Variants in SFSWAP observed in about 807,000 individuals in gnomAD.
SFSWAP encodes splicing factor SWAP.
SFSWAP carries 17 observed loss-of-function variants against 100.7 expected under a neutral mutation model. The observed-to-expected ratio is 0.17, with a 90% CI of 0.12 to 0.25. SFSWAP has a LOEUF of 0.25. Ranked by LOEUF, SFSWAP falls within the 10% of genes least tolerant of loss-of-function variation. The probability of loss-of-function intolerance (pLI) is 1.00; values close to 1 mark genes in which losing one functional copy is unlikely to be tolerated. For synonymous variants in SFSWAP, 504 were observed against 510.1 expected (o/e 0.99, Z 0.16); for missense variants, 1,005 against 1,262.6 (o/e 0.80, Z 3.09).
At chr12:131,776,659 G>A (rs1343412552) in intron 13 of SFSWAP, among the ~76,000 whole-genome samples, 2 of 152,250 alleles carry the variant, frequency 1.3e-5, no homozygotes, top group South Asian at 4.1e-4. Flanking sequence ...GCACACTGCC[G>A]CGGGCTGGGC....
chr12:131,751,782 C>T (rs1302906642), intron 7 of SFSWAP, among the ~76,000 whole-genome samples: 2 of 152,270 alleles, frequency 1.3e-5, no homozygotes, highest in Non-Finnish European at 2.9e-5. Flanking sequence ...GCCTCAGAGA[C>T]GGTGCCTGCC....
intron 11 of SFSWAP, among the ~76,000 whole-genome samples, chr12:131,758,784 A>T (rs1386618223): frequency 2.0e-5 from 3 of 152,204 alleles, no homozygotes; most frequent in Non-Finnish European, 4.4e-5. Flanking sequence ...CGTCTCTGCT[A>T]AAAATACAAA....
At chr12:131,720,677 A>G (rs182830232) in intron 4 of SFSWAP, among the ~76,000 whole-genome samples, 1 of 152,270 alleles carries the variant, frequency 6.6e-6, no homozygotes, top group East Asian at 1.9e-4. Context: ...TGCCACTCTA[A>G]TTGAGTTCAG....
intron 13 of SFSWAP, among the ~76,000 whole-genome samples, chr12:131,776,325 C>T (rs1011215553): frequency 1.3e-5 from 2 of 152,128 alleles, no homozygotes; most frequent in Non-Finnish European, 2.9e-5. Flanking sequence ...CTCTTGCCCG[C>T]CGCACACCCA....
Position 131,733,704 on chromosome 12 carries a change from A to G in SFSWAP, c.1081+5276A>G, listed in dbSNP as rs936807056. On this transcript the variant is annotated intron_variant, in intron 7 of 17. Transcript: ENST00000261674. The surrounding 1 kb of genome is among the most constrained non-coding windows in gnomAD (Gnocchi z 5.1). ...CAGCAGTCCATACAGTCCCCTCAGG[A>G]CAGGCACAGAGGACTCCACCCTGGA... Among the ~76,000 whole-genome samples the G allele has an allele frequency of 2.0e-5, 3 of 151,938 alleles. No homozygotes were observed. Among genetic ancestry groups the G allele is most frequent in the African/African-American group, 7.3e-5 (3 of 41,376 alleles).
chr12:131,775,145 T>G (rs1377511593), intron 13 of SFSWAP, among the ~76,000 whole-genome samples: 1 of 152,292 alleles, frequency 6.6e-6, no homozygotes, highest in East Asian at 1.9e-4. Context: ...CACACCAAAT[T>G]AGTGCAGTGA....
intron 7 of SFSWAP, among the ~76,000 whole-genome samples, chr12:131,744,699 AC>A (rs1407453936): frequency 5.0e-4 from 76 of 152,274 alleles, no homozygotes; most frequent in Non-Finnish European, 4.4e-5. Flanking sequence ...TTTCAGCAGT[AC>A]CCCAATTCTG....
intron 7 of SFSWAP, among the ~76,000 whole-genome samples, chr12:131,735,920 T>C (rs1879973334): frequency 6.6e-6 from 1 of 152,236 alleles, no homozygotes; most frequent in South Asian, 2.1e-4. Context: ...TAAATTTTCA[T>C]CAAACACATA....
At chr12:131,764,125 CAAAAA>C (rs987939965) in intron 11 of SFSWAP, among the ~76,000 whole-genome samples, 39 of 152,248 alleles carry the variant, frequency 2.6e-4, no homozygotes, top group African/African-American at 7.5e-4. Context: ...GACTCCATCT[CAAAAA>C]GAAAAGAAAA....
chr12:131,728,125 C>T (rs1286973635), intron 6 of SFSWAP, among the ~76,000 whole-genome samples, 168 bp from the exon 7 acceptor site: 1 of 152,230 alleles, frequency 6.6e-6, no homozygotes, highest in Non-Finnish European at 1.5e-5. Flanking sequence ...TCTGAGACAG[C>T]CAGCTGGGGC....
chr12:131,758,623 G>T (rs116521165), intron 11 of SFSWAP, among the ~76,000 whole-genome samples: 123 of 152,318 alleles, frequency 8.1e-4, no homozygotes, highest in African/African-American at 2.8e-3. Context: ...TAAAACTAGT[G>T]CTACTGGTAA....
intron 3 of SFSWAP, among the ~76,000 whole-genome samples, chr12:131,717,590 C>G (rs1878047645): frequency 6.6e-6 from 1 of 152,142 alleles, no homozygotes; most frequent in Non-Finnish European, 1.5e-5. Context: ...TTTAACCCAT[C>G]AATCCCAAAA....
At chr12:131,786,134 T>C (rs1265532728) in intron 14 of SFSWAP, among the ~76,000 whole-genome samples, 1 of 152,142 alleles carries the variant, frequency 6.6e-6, no homozygotes, top group East Asian at 1.9e-4. Flanking sequence ...AGACCGTGGC[T>C]CATGGGGAAT....
At chr12:131,777,969 TGTTGGTGTGAGGGGCCCAAA>T (rs1884159175) in intron 13 of SFSWAP, 76 bp from the exon 14 acceptor site, 1 of 1,517,440 alleles carries the variant, frequency 6.6e-7, no homozygotes, top group Non-Finnish European at 8.8e-7. Context: ...TTGCTGTGTT[TGTTGGTGTGAGGGGCCCAAA>T]GTTGAAATTT....
chr12:131,726,202 ATT>A (rs36110578), intron 5 of SFSWAP, among the ~76,000 whole-genome samples: 52 of 149,068 alleles, frequency 3.5e-4, no homozygotes, highest in Admixed American at 1.0e-3. Flanking sequence ...CTTCCATTGA[ATT>A]TTTTTTTTTT....
chr12:131,746,903 G>A (rs1391648392), intron 7 of SFSWAP, among the ~76,000 whole-genome samples: 1 of 152,072 alleles, frequency 6.6e-6, no homozygotes, highest in Non-Finnish European at 1.5e-5. Flanking sequence ...AGGAGATCGA[G>A]ACCATCCTGG....
intron 14 of SFSWAP, among the ~76,000 whole-genome samples, chr12:131,779,014 T>C (rs924617800): frequency 1.3e-5 from 2 of 151,322 alleles, no homozygotes; most frequent in Admixed American, 6.6e-5. Context: ...ATGTGTAAAG[T>C]TGCAAGACAG....
Position 131,734,475 on chromosome 12 carries a change from C to T in SFSWAP, c.1081+6047C>T, listed in dbSNP as rs756681833. On this transcript the variant is annotated intron_variant, in intron 7 of 17. Transcript: ENST00000261674. This position sits in a 1 kb window ranked among gnomAD's most constrained non-coding sequence, Gnocchi z 4.9. ...CCCCACGCACTCCCTGCTTGTAAGC[C>T]GGGGCCGCATTGTTGTGTTACCACA... Among the ~76,000 whole-genome samples the T allele has an allele frequency of 2.0e-5, 3 of 152,156 alleles. No individual in the cohort carries two copies. The highest frequency in any genetic ancestry group is 4.8e-5 in the African/African-American group (2 of 41,432).
intron 3 of SFSWAP, among the ~76,000 whole-genome samples, chr12:131,715,919 C>T (rs1877868966): frequency 1.3e-5 from 2 of 152,206 alleles, no homozygotes; most frequent in Non-Finnish European, 2.9e-5. Flanking sequence ...AAGCTAGTCT[C>T]AAACTCCTGA....
Sources: allele counts gnomAD v4.1 joint callset (sites outside exome capture counted in the v4.1 genomes callset), GRCh38; gene constraint gnomAD v4.1.1; non-coding constraint Gnocchi (gnomAD v3.1); transcripts MANE v1.5; gene names NCBI Gene and HGNC (gene_info 2026-07-23, HGNC 2026-07-21).